Variants in PDGFD observed in about 807,000 individuals in gnomAD.
PDGFD encodes the protein platelet-derived growth factor D.
A neutral mutation model predicts 44.7 loss-of-function variants in PDGFD; 30 were observed. The ratio of observed to expected loss-of-function variants is 0.67; its 90% CI spans 0.50 to 0.91. The LOEUF (loss-of-function observed/expected upper bound fraction) is 0.91, where lower values mean the gene tolerates loss of function less well. Among genes scored for constraint, PDGFD ranks in the 40% least tolerant of loss-of-function variants. The probability of loss-of-function intolerance (pLI) is 0.00; values close to 1 mark genes in which losing one functional copy is unlikely to be tolerated. For synonymous variants in PDGFD, 173 were observed against 168.4 expected, an observed-to-expected ratio of 1.03 and a Z score of -0.21; for missense variants, 445 against 457.8, an observed-to-expected ratio of 0.97 and a Z score of 0.25.
At chr11:104,002,216 T>C (rs1306370802) in intron 1 of PDGFD, among the ~76,000 whole-genome samples, 1 of 152,190 alleles carries the variant, frequency 6.6e-6, no homozygotes, top group African/African-American at 2.4e-5. Flanking sequence ...CTGCTCATTT[T>C]GTCATAAGGG....
At chr11:104,019,005 G>A (rs778557933) in intron 1 of PDGFD, among the ~76,000 whole-genome samples, 1 of 152,088 alleles carries the variant, frequency 6.6e-6, no homozygotes, top group Non-Finnish European at 1.5e-5. Flanking sequence ...AGAATGCAGA[G>A]GGTGTCCTCT....
intron 4 of PDGFD, among the ~76,000 whole-genome samples, chr11:103,945,120 T>C (rs1035641986): frequency 6.6e-6 from 1 of 152,188 alleles, no homozygotes; most frequent in African/African-American, 2.4e-5. Flanking sequence ...GCACGGTCTT[T>C]GTCATACATT....
chr11:104,037,990 G>A, intron 1 of PDGFD: 1 of 1,613,338 alleles, frequency 6.2e-7, no homozygotes, highest in Non-Finnish European at 8.5e-7. Flanking sequence ...TTCAGTCATG[G>A]ATTCAGGACG....
At chr11:104,065,583 T>C (rs1310846591) in intron 1 of PDGFD, among the ~76,000 whole-genome samples, 1 of 152,184 alleles carries the variant, frequency 6.6e-6, no homozygotes, top group Non-Finnish European at 1.5e-5. Flanking sequence ...AATTGGCTTT[T>C]AAAAAACTGT....
At chr11:103,948,918 AACC>A (rs1451101770) in intron 3 of PDGFD, among the ~76,000 whole-genome samples, 2 of 151,888 alleles carry the variant, frequency 1.3e-5, no homozygotes, top group East Asian at 3.9e-4. Context: ...AGGTGCAACA[AACC>A]ACCATGTATC....
intron 1 of PDGFD, among the ~76,000 whole-genome samples, chr11:104,033,891 A>T (rs1012835984): frequency 2.0e-5 from 3 of 152,226 alleles, no homozygotes; most frequent in African/African-American, 7.2e-5. Context: ...CCATAACATA[A>T]TATTATTGAG....
chr11:104,158,555 G>A (rs528796179), intron 1 of PDGFD, among the ~76,000 whole-genome samples: 60 of 152,342 alleles, frequency 3.9e-4, no homozygotes, highest in African/African-American at 1.3e-3. Flanking sequence ...ACCGAAGGCC[G>A]GGCGCACTGG....
intron 5 of PDGFD, among the ~76,000 whole-genome samples, chr11:103,939,163 G>C (rs961080488): frequency 6.6e-6 from 1 of 152,050 alleles, no homozygotes; most frequent in Non-Finnish European, 1.5e-5. Flanking sequence ...CCATTTTCAC[G>C]ATATTGATTA....
intron 1 of PDGFD, among the ~76,000 whole-genome samples, chr11:104,107,622 T>G (rs536627005): frequency 6.6e-6 from 1 of 152,322 alleles, no homozygotes; most frequent in East Asian, 1.9e-4. Context: ...ATAGTAGAGA[T>G]GAAGTCCTGT....
At chr11:104,065,144 C>T (rs1860771282) in intron 1 of PDGFD, among the ~76,000 whole-genome samples, 1 of 152,200 alleles carries the variant, frequency 6.6e-6, no homozygotes, top group Non-Finnish European at 1.5e-5. Context: ...AAACATCAGA[C>T]TCCAAGTTCT....
chr11:104,078,729 C>T (rs1861003472), intron 1 of PDGFD, among the ~76,000 whole-genome samples: 2 of 152,076 alleles, frequency 1.3e-5, no homozygotes, highest in Admixed American at 1.3e-4. Context: ...AATATGATCT[C>T]ATTTTAATGT....
At chr11:103,913,407 T>C (rs1363089715) in intron 6 of PDGFD, among the ~76,000 whole-genome samples, 1 of 151,966 alleles carries the variant, frequency 6.6e-6, no homozygotes, top group Non-Finnish European at 1.5e-5. Flanking sequence ...GACTACTGGG[T>C]AAATAACAAA....
intron 1 of PDGFD, among the ~76,000 whole-genome samples, chr11:104,083,754 C>A (rs531620533): frequency 1.3e-5 from 2 of 152,176 alleles, no homozygotes; most frequent in Non-Finnish European, 2.9e-5. Context: ...ATGTTCTAAA[C>A]TTAATGTATT....
At chr11:104,149,599 G>A (rs1191063953) in intron 1 of PDGFD, among the ~76,000 whole-genome samples, 1 of 152,144 alleles carries the variant, frequency 6.6e-6, no homozygotes, top group Non-Finnish European at 1.5e-5. Context: ...GCAGGCTCAT[G>A]GAGTGCTTCC....
intron 1 of PDGFD, among the ~76,000 whole-genome samples, chr11:104,157,731 A>C (rs564507325): frequency 6.6e-6 from 1 of 152,332 alleles, no homozygotes; most frequent in African/African-American, 2.4e-5. Context: ...ATACAATATG[A>C]TTACTATAAT....
chr11:103,912,704 G>C (rs1268291866), intron 6 of PDGFD, among the ~76,000 whole-genome samples: 1 of 151,924 alleles, frequency 6.6e-6, no homozygotes, highest in East Asian at 1.9e-4. Flanking sequence ...AAAGAGTCAA[G>C]ACCCATCAGT....
intron 3 of PDGFD, among the ~76,000 whole-genome samples, chr11:103,957,911 T>C (rs1858881841): frequency 6.6e-6 from 1 of 152,198 alleles, no homozygotes; most frequent in Non-Finnish European, 1.5e-5. Flanking sequence ...GTGTTTGGTG[T>C]ATGGTGTTGG....
intron 1 of PDGFD, among the ~76,000 whole-genome samples, chr11:104,110,543 T>TCATACTA (rs756447885): frequency 5.5e-4 from 82 of 149,328 alleles, no homozygotes; most frequent in Non-Finnish European, 3.9e-4. Flanking sequence ...CTTACACAGG[T>TCATACTA]CATACTACAT....
At chr11:104,046,913 C>T (rs1482777722) in intron 1 of PDGFD, among the ~76,000 whole-genome samples, 1 of 146,084 alleles carries the variant, frequency 6.8e-6, no homozygotes, top group African/African-American at 2.5e-5. Flanking sequence ...CCGACAGGCT[C>T]CAGTGTATGA....
Sources: allele counts gnomAD v4.1 joint callset (sites outside exome capture counted in the v4.1 genomes callset), GRCh38; gene constraint gnomAD v4.1.1; transcripts MANE v1.5; gene names NCBI Gene and HGNC (gene_info 2026-07-23, HGNC 2026-07-21).